Variants in CERT1 observed in about 807,000 individuals in gnomAD.
CERT1 encodes ceramide transfer protein.
CERT1 carries 31 observed loss-of-function variants against 87.9 expected under a neutral mutation model. That is an observed-to-expected ratio of 0.35 (90% CI 0.27 to 0.48). CERT1 has a LOEUF of 0.48. CERT1 is among the 20% of genes least tolerant of loss of function. CERT1 has a pLI of 0.99. For synonymous variants in CERT1, 289 were observed against 250.9 expected (o/e 1.15, Z -1.44); for missense variants, 487 against 758.0 (o/e 0.64, Z 4.20).
At chr5:75,467,356 A>G (rs1765499058) in intron 2 of CERT1, among the ~76,000 whole-genome samples, 1 of 152,138 alleles carries the variant, frequency 6.6e-6, no homozygotes, top group Admixed American at 6.5e-5. Flanking sequence ...GAGGTAGCAT[A>G]TGAAGCCGGA....
chr5:75,498,321 T>C (rs1265885156), intron 2 of CERT1, among the ~76,000 whole-genome samples: 2 of 152,194 alleles, frequency 1.3e-5, no homozygotes, highest in African/African-American at 4.8e-5. Context: ...AGGAGCTAAA[T>C]GTTATCACCA....
chr5:75,486,522 G>A (rs569364045), intron 2 of CERT1, among the ~76,000 whole-genome samples: 1 of 151,888 alleles, frequency 6.6e-6, no homozygotes, highest in Admixed American at 6.6e-5. Context: ...AGAAATGAAG[G>A]GTATATGAAT....
At chr5:75,489,526 A>G (rs1766677362) in intron 2 of CERT1, among the ~76,000 whole-genome samples, 1 of 152,254 alleles carries the variant, frequency 6.6e-6, no homozygotes, top group South Asian at 2.1e-4. Flanking sequence ...TGCAGAATCT[A>G]CAAGGAACTT....
intron 7 of CERT1, among the ~76,000 whole-genome samples, chr5:75,412,988 TTGTAA>T (rs1399768821): frequency 6.6e-6 from 1 of 152,226 alleles, no homozygotes; most frequent in Non-Finnish European, 1.5e-5. Context: ...TTTGAGTCTT[TTGTAA>T]TAAGATATCT....
intron 3 of CERT1, among the ~76,000 whole-genome samples, chr5:75,448,753 T>G (rs1389024428): frequency 6.6e-6 from 1 of 152,212 alleles, no homozygotes; most frequent in Non-Finnish European, 1.5e-5. Flanking sequence ...AAATAAAAAT[T>G]TAAATACCAC....
downstream of CERT1, chr5:75,374,099 A>G: frequency 2.5e-6 from 1 of 398,850 alleles, no homozygotes; most frequent in Non-Finnish European, 4.4e-6. Flanking sequence ...GCCACAGACA[A>G]GGCTATAGAT....
At chr5:75,422,981 A>G (rs1166200981) in intron 5 of CERT1, among the ~76,000 whole-genome samples, 1 of 152,190 alleles carries the variant, frequency 6.6e-6, no homozygotes, top group Non-Finnish European at 1.5e-5. Context: ...CAACCCTGCC[A>G]ATACCTTTAT....
chr5:75,506,682 G>A (rs1258743328), intron 1 of CERT1, among the ~76,000 whole-genome samples: 1 of 152,090 alleles, frequency 6.6e-6, no homozygotes, highest in African/African-American at 2.4e-5. Context: ...TAGTAAGCTG[G>A]CATCAACTTT....
intron 2 of CERT1, among the ~76,000 whole-genome samples, chr5:75,484,646 C>T (rs1343542025): frequency 6.6e-6 from 1 of 151,686 alleles, no homozygotes; most frequent in Non-Finnish European, 1.5e-5. Flanking sequence ...ATAAGAAGGT[C>T]GTTACATAAT....
rs1279678355 is a variant in CERT1, at chr5:75,511,400, AAGG to A, written c.-196_-194del. ...GCGCCTGACACCGAGCGGAGCGAGG[AAGG>A]AGGACGAGCGGTGAAGGAAGCCTAC... On this transcript the variant is annotated 5_prime_UTR_variant, in exon 1 of 17. Coordinates refer to ENST00000643780, the MANE Select transcript of CERT1 (RefSeq NM_001379029.1). 5.8e-6 allele frequency: 9 copies of A among 1,545,712 alleles called. No individual in the cohort carries two copies. In the African/African-American group the frequency reaches 9.6e-5, roughly 17 times the overall value.
chr5:75,456,835 T>C (rs1765006999), intron 3 of CERT1, among the ~76,000 whole-genome samples: 1 of 152,052 alleles, frequency 6.6e-6, no homozygotes, highest in East Asian at 1.9e-4. Flanking sequence ...TTCAAAGATG[T>C]AAAGAAATCA....
intron 7 of CERT1, among the ~76,000 whole-genome samples, chr5:75,415,883 T>G (rs1221967666): frequency 6.6e-6 from 1 of 152,264 alleles, no homozygotes; most frequent in South Asian, 2.1e-4. Context: ...AAATTTTCTA[T>G]ACCTTAAAAG....
At chr5:75,465,728 C>A (rs1389643150) in intron 2 of CERT1, among the ~76,000 whole-genome samples, 27 of 152,188 alleles carry the variant, frequency 1.8e-4, no homozygotes, top group Non-Finnish European at 1.5e-5. Context: ...ACTGGCACTG[C>A]TTCTACTGGA....
At chr5:75,503,870 T>TAAATGTTTAATTTAAATTAAACATTTAAA (rs1419657533) in intron 2 of CERT1, among the ~76,000 whole-genome samples, 1 of 115,696 alleles carries the variant, frequency 8.6e-6, no homozygotes, top group African/African-American at 3.3e-5. Flanking sequence ...ACATTTAAAT[T>TAAATGTTTAATTTAAATTAAACATTTAAA]TTTTGTTTAA....
intron 3 of CERT1, among the ~76,000 whole-genome samples, chr5:75,453,236 G>A (rs1164406534): frequency 1.3e-5 from 2 of 152,062 alleles, no homozygotes; most frequent in Non-Finnish European, 2.9e-5. Context: ...GATTTTAAGG[G>A]GGAAAAGCCT....
In CERT1 at chr5:75,431,276, A is replaced by C. The variant is rs536181470; in HGVS notation, c.349-4798T>G. On this transcript the variant is annotated intron_variant, in intron 3 of 16. Coordinates refer to ENST00000643780, the MANE Select transcript of CERT1 (RefSeq NM_001379029.1). Reference sequence around the variant, plus strand: ...TCCCTCTTTGTGTCCATATGTACTGAATGTTTACCTCCCACTTTTAAGTAA... The same window carrying C: ...TCCCTCTTTGTGTCCATATGTACTGCATGTTTACCTCCCACTTTTAAGTAA... 4.9e-4 allele frequency among the ~76,000 whole-genome samples: 75 copies of C among 152,122 alleles called. No individual in the cohort carries two copies. The South Asian group carries it at 6.6e-3, about 13-fold the overall frequency.
chr5:75,447,690 G>C (rs1451919775), intron 3 of CERT1, among the ~76,000 whole-genome samples: 1 of 151,742 alleles, frequency 6.6e-6, no homozygotes, highest in Non-Finnish European at 1.5e-5. Flanking sequence ...TCGCCAGGAT[G>C]GTCTCGATCT....
intron 2 of CERT1, among the ~76,000 whole-genome samples, chr5:75,498,360 T>C (rs764463156): frequency 1.3e-5 from 2 of 152,196 alleles, no homozygotes; most frequent in Non-Finnish European, 2.9e-5. Flanking sequence ...CTCCAGGGCA[T>C]GTCCGAGACC....
At chr5:75,442,815 C>T (rs1034076357) in intron 3 of CERT1, among the ~76,000 whole-genome samples, 15 of 152,088 alleles carry the variant, frequency 9.9e-5, no homozygotes, top group Non-Finnish European at 1.5e-4. Flanking sequence ...AGAGTGAGCA[C>T]GCACATGTGC....
Sources: gnomAD v4.1 joint callset for allele counts (sites outside exome capture counted in the v4.1 genomes callset) on GRCh38, gnomAD v4.1.1 for gene constraint, MANE v1.5 for transcripts, NCBI Gene and HGNC (gene_info 2026-07-23, HGNC 2026-07-21) for gene names.